RBM12: variants seen among roughly 807,000 people sequenced by gnomAD.
The protein encoded by RBM12 is RNA-binding protein 12.
A neutral mutation model predicts 37.2 loss-of-function variants in RBM12; 24 were observed. The ratio of observed to expected loss-of-function variants is 0.65; its 90% CI spans 0.47 to 0.91. The LOEUF (loss-of-function observed/expected upper bound fraction) is 0.91, where lower values mean the gene tolerates loss of function less well. RBM12 is among the 40% of genes least tolerant of loss of function. The probability of loss-of-function intolerance (pLI) is 0.00; values close to 1 mark genes in which losing one functional copy is unlikely to be tolerated. For synonymous variants in RBM12, 420 were observed against 425.2 expected, an observed-to-expected ratio of 0.99 and a Z score of 0.15; for missense variants, 1,061 against 1,183.2, an observed-to-expected ratio of 0.90 and a Z score of 1.52.
Position 35,654,063 on chromosome 20 carries a change from T to A in RBM12, c.1260A>T (p.Ser420=), listed in dbSNP as rs2033728661. 3 of 1,614,088 alleles carry A rather than the reference T, an allele frequency of 1.9e-6. No individual in the cohort carries two copies. Among genetic ancestry groups the A allele is most frequent in the African/African-American group, 1.3e-5 (1 of 74,932 alleles). ...CAGCCTCATGTGGTGATCTTGACCT[T>A]GATCTTTTCTGCCCACTGGGCGATT... ...RSKSPSGQKR[S]RSRSPHEAGF... Residue 420 remains serine, a synonymous_variant, in exon 3 of 3, where the codon TCA becomes TCT. Coordinates refer to ENST00000374114, the MANE Select transcript of RBM12 (RefSeq NM_006047.6).
rs2033708266 is a variant in RBM12, at chr20:35,653,736, C to T, written c.1587G>A (p.Arg529=). 8.1e-6 allele frequency: 13 copies of T among 1,614,006 alleles called. No individual in the cohort carries two copies. Among genetic ancestry groups the T allele is most frequent in the Non-Finnish European group, 1.1e-5 (13 of 1,180,038 alleles). The part of the protein sequence containing the change: ...KRLQNFSYDQ[R]EMILNPEGDV... ...CCCCCTCTGGATTTAGTATCATTTC[C>T]CTCTGGTCATAGCTGAAGTTCTGCA... The change falls in exon 3 of 3, where the codon AGG becomes AGA. Residue 529 remains arginine (R), a synonymous_variant. Coordinates refer to ENST00000374114, the MANE Select transcript of RBM12 (RefSeq NM_006047.6).
At chr20:35,663,424 GA>G (rs1243175538) in intron 1 of RBM12, among the ~76,000 whole-genome samples, 3 of 152,130 alleles carry the variant, frequency 2.0e-5, no homozygotes, top group African/African-American at 7.2e-5. Context: ...ATTCAAGCAA[GA>G]AGCTCTAAAA....
rs2033503269 is a variant in RBM12, at chr20:35,651,370, C to T, written c.*1154G>A. On this transcript the variant is annotated 3_prime_UTR_variant, in exon 3 of 3. Coordinates refer to ENST00000374114, the MANE Select transcript of RBM12 (RefSeq NM_006047.6). ...TTCTCCTCTGGCGGCTGCACTTGTA[C>T]TCTGTATGAAGACTTTTAGTAAACA... The T allele has an allele frequency of 6.6e-6, 1 of 152,182 alleles. No individual in the cohort carries two copies. The highest frequency in any genetic ancestry group is 2.4e-5 in the African/African-American group (1 of 41,438). The allele number at this position is 152,182 out of a possible 1,614,324, so 9.4% of individuals were successfully genotyped here.
At chr20:35,656,642 C>T (rs558468767) in intron 2 of RBM12, among the ~76,000 whole-genome samples, 9 of 152,316 alleles carry the variant, frequency 5.9e-5, no homozygotes, top group Admixed American at 1.3e-4. Context: ...TCAAGTAATT[C>T]TCCTGCCTCA....
At position 35,652,987 on chromosome 20, in the gene RBM12, A is replaced by G. The variant is rs923442563; in HGVS notation, c.2336T>C (p.Leu779Ser). 2 of 1,613,670 alleles carry G rather than the reference A, an allele frequency of 1.2e-6. No individual in the cohort carries two copies. Among genetic ancestry groups the G allele is most frequent in the Non-Finnish European group, 1.7e-6 (2 of 1,180,016 alleles). The change falls in exon 3 of 3, where the codon TTA becomes TCA. Residue 779 changes from leucine (L) to serine (S), a missense_variant. Around this residue, in one of 3 missense-constraint regions of RBM12, gnomAD observed 517 missense variants for 534.0 expected, o/e 0.97. Coordinates refer to ENST00000374114, the MANE Select transcript of RBM12 (RefSeq NM_006047.6). ...VPGFGGGPNNLSGPSGFGGGP... is the reference protein window; with the variant it reads ...VPGFGGGPNNSSGPSGFGGGP... ...CCCTCCAAATCCCGATGGCCCACTT[A>G]AATTGTTTGGTCCACCTCCAAAACC...
chr20:35,661,038 T>C (rs1471894705), intron 1 of RBM12, among the ~76,000 whole-genome samples: 1 of 152,242 alleles, frequency 6.6e-6, no homozygotes. Context: ...TCAAGTTTTA[T>C]GTGTACAACT....
Position 35,653,417 on chromosome 20 carries a change from T to TTC in RBM12, c.1904_1905dup (p.Lys636GlufsTer5). ...GGCACAGGCATCTTTAATCCCTTTTTTCCTTGGGCAGGGGGATTTTTCTCA... is the reference window on the plus strand; with the variant it reads ...GGCACAGGCATCTTTAATCCCTTTTTTCTCCTTGGGCAGGGGGATTTTTCTCA... On this transcript the variant is annotated frameshift_variant, in exon 3 of 3. Transcript: ENST00000374114. LOFTEE classifies it high-confidence loss of function. 1 of 1,614,118 alleles carries TTC rather than the reference T, an allele frequency of 6.2e-7. No individual in the cohort carries two copies. Among genetic ancestry groups the TTC allele is most frequent in the East Asian group, 2.2e-5 (1 of 44,890 alleles).
rs764379695 is a variant in RBM12, at chr20:35,654,452, G to C, written c.871C>G (p.Gln291Glu). ...NPVNPIQMNS[Q>E]SSVKPLPINP... ...ATGGGGAGTGGCTTCACACTGCTCT[G>C]AGAGTTCATCTGGATAGGGTTAACA... The change falls in exon 3 of 3, where the codon CAG becomes GAG. Residue 291 changes from glutamine (Q) to glutamate (E), a missense_variant. Physicochemically the swap from Gln to Glu is conservative, Grantham distance 29. Coordinates refer to ENST00000374114, the MANE Select transcript of RBM12 (RefSeq NM_006047.6). 8.7e-6 allele frequency: 14 copies of C among 1,614,202 alleles called. No individual in the cohort carries two copies. Among genetic ancestry groups the C allele is most frequent in the Non-Finnish European group, 1.2e-5 (14 of 1,180,038 alleles).
At chr20:35,656,798 C>T (rs1050619024) in intron 2 of RBM12, among the ~76,000 whole-genome samples, 6 of 146,992 alleles carry the variant, frequency 4.1e-5, no homozygotes, top group Non-Finnish European at 7.7e-5. Context: ...TGAGCCACTG[C>T]GCCCCACCTG....
In RBM12 at chr20:35,649,005, A is replaced by G. The variant is rs1215416927; in HGVS notation, c.*3519T>C. ...ACAGTATTCAAGACTTCATCTTTAT[A>G]AACAAAAACCTCTGCTGAGTGATGC... On this transcript the variant is annotated 3_prime_UTR_variant, in exon 3 of 3. Coordinates refer to ENST00000374114, the MANE Select transcript of RBM12 (RefSeq NM_006047.6). 2 of 152,676 alleles carry G rather than the reference A, an allele frequency of 1.3e-5. No homozygotes were observed. The highest frequency in any genetic ancestry group is 1.3e-4 in the Admixed American group (2 of 15,288). 9.5% of individuals were successfully genotyped at this position (152,676 alleles called of 1,614,324 possible).
chr20:35,653,408 A>G lies in RBM12; in HGVS notation c.1915T>C (p.Leu639=). Residue 639 remains leucine, a synonymous_variant, in exon 3 of 3, where the codon TTA becomes CTA. Coordinates refer to ENST00000374114, the MANE Select transcript of RBM12 (RefSeq NM_006047.6). ...KNPPAQGKKG[L]KMPVPGNPAV... ...GGATTACCTGGCACAGGCATCTTTA[A>G]TCCCTTTTTTCCTTGGGCAGGGGGA... 1 of 1,614,096 alleles carries G rather than the reference A, an allele frequency of 6.2e-7. No individual in the cohort carries two copies. Among genetic ancestry groups the G allele is most frequent in the Non-Finnish European group, 8.5e-7 (1 of 1,179,996 alleles).
rs760180903 is a variant in RBM12, at chr20:35,652,977, T to C, written c.2346A>G (p.Pro782=). 3.1e-6 allele frequency: 5 copies of C among 1,613,714 alleles called. No homozygotes were observed. Among genetic ancestry groups the C allele is most frequent in the African/African-American group, 2.7e-5 (2 of 74,942 alleles). ...TCTGAGGGCCCCCTCCAAATCCCGA[T>C]GGCCCACTTAAATTGTTTGGTCCAC... ...FGGGPNNLSG[P]SGFGGGPQNF... The change falls in exon 3 of 3, where the codon CCA becomes CCG. Residue 782 remains proline, a synonymous_variant. Transcript: ENST00000374114.
rs760417413 is a variant in RBM12 at position 35,654,270 on chromosome 20, G to C, written c.1053C>G (p.Leu351=). ...RNNGNGLVKF[L]SPQDTFEALK... is the part of the protein sequence containing the mutation. Reference sequence around the variant, plus strand: ...AAGCTTCAAATGTATCTTGAGGGGAGAGAAACTTAACCAATCCATTCCCAT... The same window carrying C: ...AAGCTTCAAATGTATCTTGAGGGGACAGAAACTTAACCAATCCATTCCCAT... Residue 351 remains leucine, a synonymous_variant, in exon 3 of 3, where the codon CTC becomes CTG. Coordinates refer to ENST00000374114, the MANE Select transcript of RBM12 (RefSeq NM_006047.6). The C allele has an allele frequency of 6.2e-7, 1 of 1,614,174 alleles. No homozygotes were observed. Among genetic ancestry groups the C allele is most frequent in the Non-Finnish European group, 8.5e-7 (1 of 1,180,032 alleles).
rs749163172 is a variant in RBM12 at position 35,654,037 on chromosome 20, C to A, written c.1286G>T (p.Gly429Val). 2 of 1,614,028 alleles carry A rather than the reference C, an allele frequency of 1.2e-6. No homozygotes were observed. Among genetic ancestry groups the A allele is most frequent in the African/African-American group, 2.7e-5 (2 of 74,900 alleles). ...RSRSRSPHEA[G>V]FCVYLKGLPF... is the part of the protein sequence containing the mutation. Reference sequence around the variant, plus strand: ...TAGCCCTTTCAAGTAAACACAAAAACCAGCCTCATGTGGTGATCTTGACCT... The same window carrying A: ...TAGCCCTTTCAAGTAAACACAAAAAACAGCCTCATGTGGTGATCTTGACCT... Residue 429 changes from glycine (G) to valine (V), a missense_variant, in exon 3 of 3, where the codon GGT becomes GTT. Physicochemically the swap from Gly to Val is moderately radical, Grantham distance 109 (BLOSUM62 -3). Coordinates refer to ENST00000374114, the MANE Select transcript of RBM12 (RefSeq NM_006047.6).
At chr20:35,660,566 A>G (rs1233604911) in intron 1 of RBM12, among the ~76,000 whole-genome samples, 2 of 152,320 alleles carry the variant, frequency 1.3e-5, no homozygotes, top group African/African-American at 4.8e-5. Flanking sequence ...TTTGAAAGCC[A>G]TATCTAGTAG....
chr20:35,659,811 A>T (rs1189158812), intron 1 of RBM12, among the ~76,000 whole-genome samples: 1 of 152,252 alleles, frequency 6.6e-6, no homozygotes, highest in Non-Finnish European at 1.5e-5. Flanking sequence ...ATATATGACC[A>T]AATGTCTAGA....
intron 1 of RBM12, among the ~76,000 whole-genome samples, chr20:35,661,300 A>G (rs947406125): frequency 1.4e-4 from 21 of 152,366 alleles, no homozygotes; most frequent in African/African-American, 5.1e-4. Context: ...GTTTTCCAGG[A>G]AACTACTATT....
In RBM12 at chr20:35,654,267, G is replaced by C. The variant is rs1460199080; in HGVS notation, c.1056C>G (p.Ser352=). The change falls in exon 3 of 3, where the codon TCC becomes TCG. Residue 352 remains serine (S), a synonymous_variant. Coordinates refer to ENST00000374114, the MANE Select transcript of RBM12 (RefSeq NM_006047.6). ...NNGNGLVKFL[S]PQDTFEALKR... ...TCAAAGCTTCAAATGTATCTTGAGG[G>C]GAGAGAAACTTAACCAATCCATTCC... 1.2e-6 allele frequency: 2 copies of C among 1,614,140 alleles called. No homozygotes were observed. Among genetic ancestry groups the C allele is most frequent in the Non-Finnish European group, 1.7e-6 (2 of 1,180,034 alleles).
rs1303172774 is a variant in RBM12 at position 35,649,650 on chromosome 20, T to C, written c.*2874A>G. The C allele has an allele frequency of 1.3e-5, 2 of 152,740 alleles. No individual in the cohort carries two copies. Among genetic ancestry groups the C allele is most frequent in the Admixed American group, 6.5e-5 (1 of 15,294 alleles). The allele number at this position is 152,740 out of a possible 1,614,324, so 9.5% of individuals were successfully genotyped here. Reference sequence around the variant, plus strand: ...AGAACACACCTCCAAATTATGCTTGTGAACTAAATGTTTCACTAAAGTTCA... The same window carrying C: ...AGAACACACCTCCAAATTATGCTTGCGAACTAAATGTTTCACTAAAGTTCA... On this transcript the variant is annotated 3_prime_UTR_variant, in exon 3 of 3. Coordinates refer to ENST00000374114, the MANE Select transcript of RBM12 (RefSeq NM_006047.6).
Sources: allele counts gnomAD v4.1 joint callset (sites outside exome capture counted in the v4.1 genomes callset), GRCh38; gene constraint gnomAD v4.1.1; regional missense constraint gnomAD v4.1.1; transcripts MANE v1.5; gene names NCBI Gene and HGNC (gene_info 2026-07-23, HGNC 2026-07-21).